Variants in VAV2 observed in about 807,000 individuals in gnomAD.
VAV2 encodes the protein guanine nucleotide exchange factor VAV2.
A neutral mutation model predicts 132.5 loss-of-function variants in VAV2; 67 were observed. That is an observed-to-expected ratio of 0.51 (90% CI 0.42 to 0.62). The LOEUF is 0.62. Ranked by LOEUF, VAV2 falls within the 20% of genes least tolerant of loss-of-function variation. The pLI is 0.00. For missense variants in VAV2, 938 were observed against 1,153.6 expected, an observed-to-expected ratio of 0.81 and a Z score of 2.71; for synonymous variants, 492 against 443.5, an observed-to-expected ratio of 1.11 and a Z score of -1.37.
At chr9:133,861,964 C>T (rs1837612735) in intron 2 of VAV2, among the ~76,000 whole-genome samples, 1 of 152,246 alleles carries the variant, frequency 6.6e-6, no homozygotes, top group African/African-American at 2.4e-5. Flanking sequence ...CCTTCAAGCC[C>T]TCCCTTGCAT....
chr9:133,952,671 T>G (rs1841601421), intron 1 of VAV2, among the ~76,000 whole-genome samples: 1 of 151,198 alleles, frequency 6.6e-6, no homozygotes, highest in African/African-American at 2.4e-5. Flanking sequence ...AGGCCCTAAA[T>G]CCAAGTGTCC....
intron 1 of VAV2, among the ~76,000 whole-genome samples, chr9:133,984,961 C>T (rs1300688410): frequency 6.6e-6 from 1 of 151,758 alleles, no homozygotes; most frequent in Non-Finnish European, 1.5e-5. Context: ...ATCAGTGCTA[C>T]CTATTTCTTT....
chr9:133,797,044 G>A (rs1413887159), intron 10 of VAV2, among the ~76,000 whole-genome samples: 1 of 152,208 alleles, frequency 6.6e-6, no homozygotes, highest in Admixed American at 6.5e-5. Flanking sequence ...GGGGGGCCAC[G>A]CTGCCTCCAC....
rs1838576922 is a variant in VAV2, at chr9:133,883,393, G to T, written c.322-21961C>A. ...GGGGCTGACGGGTGTGAGCCACAGT[G>T]GGCAGTCAGGGCCAGGGAGAGGAAC... On this transcript the variant is annotated intron_variant, in intron 2 of 29. Coordinates refer to ENST00000371850, the MANE Select transcript of VAV2 (RefSeq NM_001134398.2). The surrounding 1 kb of genome is among the most constrained non-coding windows in gnomAD (Gnocchi z 4.2). Among the ~76,000 whole-genome samples the T allele has an allele frequency of 6.6e-6, 1 of 152,314 alleles. No homozygotes were observed. The highest frequency in any genetic ancestry group is 2.1e-4 in the South Asian group (1 of 4,818).
At chr9:133,765,528 C>G (rs1833402687) in intron 29 of VAV2, among the ~76,000 whole-genome samples, 1 of 152,168 alleles carries the variant, frequency 6.6e-6, no homozygotes. Context: ...TCAAACTCTT[C>G]AAAAGTGTAA....
chr9:133,970,135 T>C (rs1842280891), intron 1 of VAV2, among the ~76,000 whole-genome samples: 1 of 151,982 alleles, frequency 6.6e-6, no homozygotes, highest in African/African-American at 2.4e-5. Flanking sequence ...CCCCTCAGAC[T>C]CTGCAGGACT....
intron 2 of VAV2, among the ~76,000 whole-genome samples, chr9:133,937,415 A>T (rs1840953041): frequency 1.3e-5 from 1 of 77,394 alleles, no homozygotes; most frequent in African/African-American, 3.8e-5. Flanking sequence ...TGTGTGTGAG[A>T]CTGTATGTCT....
At chr9:133,970,239 A>G (rs1432202780) in intron 1 of VAV2, among the ~76,000 whole-genome samples, 1 of 152,180 alleles carries the variant, frequency 6.6e-6, no homozygotes, top group Non-Finnish European at 1.5e-5. Flanking sequence ...GGGCACAGGA[A>G]GGCCTGGGGA....
intron 2 of VAV2, among the ~76,000 whole-genome samples, chr9:133,914,625 GGGA>G (rs1839993682): frequency 1.2e-5 from 1 of 82,808 alleles, no homozygotes; most frequent in African/African-American, 5.5e-5. Context: ...AGAGAGGAGG[GGGA>G]GAGGAGGGGA....
chr9:133,799,107 G>C (rs1025422474), intron 9 of VAV2, among the ~76,000 whole-genome samples: 1 of 152,258 alleles, frequency 6.6e-6, no homozygotes, highest in African/African-American at 2.4e-5. Context: ...GAAGCGTCCT[G>C]ATGGTGGGGT....
chr9:133,914,904 G>A (rs943200262), intron 2 of VAV2, among the ~76,000 whole-genome samples: 2 of 95,860 alleles, frequency 2.1e-5, no homozygotes, highest in African/African-American at 7.7e-5. Flanking sequence ...TGGGACTTTG[G>A]AACAGGTGAA....
chr9:133,933,902 G>GTGGATGGATGGATGGGTGGA (rs1564477408), intron 2 of VAV2, among the ~76,000 whole-genome samples: 11 of 133,790 alleles, frequency 8.2e-5, no homozygotes, highest in Non-Finnish European at 1.4e-4. Context: ...GGATGGATGG[G>GTGGATGGATGGATGGGTGGA]TGGATGGATG....
chr9:133,891,896 T>C (rs1289346602), intron 2 of VAV2, among the ~76,000 whole-genome samples: 1 of 63,034 alleles, frequency 1.6e-5, no homozygotes, highest in South Asian at 4.9e-4. Flanking sequence ...TTGGGAGAGG[T>C]GGGGATAGAG....
At chr9:133,787,079 T>G (rs1252974407) in intron 16 of VAV2, among the ~76,000 whole-genome samples, 167 bp downstream of exon 16, 4 of 152,172 alleles carry the variant, frequency 2.6e-5, no homozygotes, top group African/African-American at 9.7e-5. Context: ...CCTTTCATCA[T>G]GAATACAAAT....
intron 2 of VAV2, among the ~76,000 whole-genome samples, chr9:133,923,681 C>T (rs1588376122): frequency 6.6e-6 from 1 of 152,188 alleles, no homozygotes; most frequent in African/African-American, 2.4e-5. Flanking sequence ...ACTATAAAGA[C>T]ACATGCACAT....
chr9:133,890,700 T>TA (rs1363929080), intron 2 of VAV2, among the ~76,000 whole-genome samples: 1 of 152,112 alleles, frequency 6.6e-6, no homozygotes, highest in Non-Finnish European at 1.5e-5. Flanking sequence ...GTCATGCACT[T>TA]AAAAGGAAAC....
chr9:133,968,733 T>C (rs933746301), intron 1 of VAV2, among the ~76,000 whole-genome samples: 10 of 152,160 alleles, frequency 6.6e-5, no homozygotes, highest in Admixed American at 2.0e-4. Flanking sequence ...CTTCAGACCA[T>C]GGCACTGTCC....
chr9:133,812,143 T>C lies in VAV2; in HGVS notation c.523A>G (p.Ile175Val). ...EDGGDDIYEDIIKVEVQQPMI... is the reference protein window; with the variant it reads ...EDGGDDIYEDVIKVEVQQPMI... ...GGCTGCTGCACCTCCACCTTGATGA[T>C]GTCCTCGTAGATGTCGTCCCCTCCA... Residue 175 changes from isoleucine (I) to valine (V), a missense_variant, in exon 5 of 30, where the codon ATC (isoleucine) becomes GTC (valine). By Grantham distance (29) the Ile-to-Val change is conservative. Transcript: ENST00000371850. 2 of 1,613,996 alleles carry C rather than the reference T, an allele frequency of 1.2e-6. No homozygotes were observed. Among genetic ancestry groups the C allele is most frequent in the East Asian group, 4.5e-5 (2 of 44,876 alleles).
Position 133,961,789 on chromosome 9 carries a change from G to A in VAV2, c.205-22570C>T, listed in dbSNP as rs1309767413. Among the ~76,000 whole-genome samples the A allele has an allele frequency of 6.6e-6, 1 of 152,188 alleles. No homozygotes were observed. The highest frequency in any genetic ancestry group is 1.9e-4 in the East Asian group (1 of 5,196). On this transcript the variant is annotated intron_variant, in intron 1 of 29. Transcript: ENST00000371850. This position sits in a 1 kb window ranked among gnomAD's most constrained non-coding sequence, Gnocchi z 4.1. ...GGGAGAAGACCCGGGCTTGCATGAT[G>A]TACACCAGGGAGCCCACAGGAGCAG...
Sources: gnomAD v4.1 joint callset for allele counts (sites outside exome capture counted in the v4.1 genomes callset) on GRCh38, gnomAD v4.1.1 for gene constraint, Gnocchi (gnomAD v3.1) non-coding constraint, MANE v1.5 for transcripts, NCBI Gene and HGNC (gene_info 2026-07-23, HGNC 2026-07-21) for gene names.